The following PEAK1 variants were observed in gnomAD, a reference collection of about 807,000 sequenced individuals.
PEAK1 encodes pseudopodium enriched atypical kinase 1, also known as inactive tyrosine-protein kinase PEAK1.
Under a neutral mutation model 124.7 loss-of-function variants are expected in PEAK1, and 54 were observed. The observed-to-expected ratio is 0.43, with a 90% confidence interval of 0.35 to 0.54. PEAK1 has a LOEUF of 0.54. PEAK1 is among the 20% of genes least tolerant of loss of function. The pLI is 0.01. For missense variants in PEAK1, 2,046 were observed against 2,134.5 expected, an observed-to-expected ratio of 0.96 and a Z score of 0.82; for synonymous variants, 719 against 760.0, an observed-to-expected ratio of 0.95 and a Z score of 0.89.
At chr15:77,384,044 A>C (rs778907940) in intron 1 of PEAK1, among the ~76,000 whole-genome samples, 3 of 152,220 alleles carry the variant, frequency 2.0e-5, no homozygotes, top group Non-Finnish European at 4.4e-5. Flanking sequence ...TCAATAATAA[A>C]AATGTAAGTG....
intron 1 of PEAK1, chr15:77,401,615 T>C: frequency 3.0e-6 from 3 of 984,614 alleles, no homozygotes; most frequent in Non-Finnish European, 3.6e-6. Flanking sequence ...TACAAACATA[T>C]CTTTGTATTT....
In PEAK1 at chr15:77,226,044, G is replaced by GATATATATAATAA. The variant is rs57675196; in HGVS notation, c.-115+26322_-115+26323insTTATTATATATAT. Reference sequence around the variant, plus strand: ...CAGTCACAGCAACTGAAAATAAAGGGATATATATATATATATATATATATA... The same window carrying GATATATATAATAA: ...CAGTCACAGCAACTGAAAATAAAGGGATATATATAATAAATATATATATATATATATATATATA... On this transcript the variant is annotated intron_variant, in intron 6 of 9. Transcript: ENST00000682557. Among the ~76,000 whole-genome samples, 14 of 44,988 alleles carry GATATATATAATAA rather than the reference G, an allele frequency of 3.1e-4. 1 individual carries two copies. The highest frequency in any genetic ancestry group is 6.7e-4 in the Non-Finnish European group (14 of 20,762). 29.5% of individuals were successfully genotyped at this position (44,988 alleles called of 152,430 possible).
At chr15:77,207,184 C>T (rs1208941182) in intron 6 of PEAK1, among the ~76,000 whole-genome samples, 1 of 152,122 alleles carries the variant, frequency 6.6e-6, no homozygotes, top group East Asian at 1.9e-4. Context: ...CCAGGCATTA[C>T]CATTCAGGAC....
At chr15:77,392,500 G>T (rs1251267864) in intron 1 of PEAK1, among the ~76,000 whole-genome samples, 1 of 152,102 alleles carries the variant, frequency 6.6e-6, no homozygotes, top group East Asian at 1.9e-4. Flanking sequence ...TAACTGCCAG[G>T]TTATTTTCAA....
At chr15:77,116,967 T>C (rs1324223444) in intron 9 of PEAK1, among the ~76,000 whole-genome samples, 3 of 152,214 alleles carry the variant, frequency 2.0e-5, no homozygotes, top group Non-Finnish European at 4.4e-5. Flanking sequence ...TATATGCTCA[T>C]CAATCATAAC....
chr15:77,220,624 CA>C (rs1050273330), intron 6 of PEAK1, among the ~76,000 whole-genome samples: 1 of 145,020 alleles, frequency 6.9e-6, no homozygotes, highest in Non-Finnish European at 1.5e-5. Context: ...AAAAATGAAA[CA>C]AAGTAAAAGC....
chr15:77,368,352 CA>C (rs2068402477), intron 1 of PEAK1, among the ~76,000 whole-genome samples: 1 of 151,790 alleles, frequency 6.6e-6, no homozygotes, highest in Non-Finnish European at 1.5e-5. Flanking sequence ...CCCGTCTCTA[CA>C]AAAATACAAA....
chr15:77,319,586 A>G (rs1231812031), intron 2 of PEAK1, among the ~76,000 whole-genome samples: 2 of 152,200 alleles, frequency 1.3e-5, no homozygotes, highest in Non-Finnish European at 2.9e-5. Context: ...CAGACCTAGA[A>G]CACTGAGATA....
intron 9 of PEAK1, among the ~76,000 whole-genome samples, chr15:77,123,236 T>A (rs2052078021): frequency 6.6e-6 from 1 of 152,180 alleles, no homozygotes; most frequent in African/African-American, 2.4e-5. Flanking sequence ...TATGTGAAAT[T>A]TTTAGCATCC....
chr15:77,284,359 A>G (rs1401402767), intron 4 of PEAK1, among the ~76,000 whole-genome samples: 1 of 152,216 alleles, frequency 6.6e-6, no homozygotes, highest in Non-Finnish European at 1.5e-5. Context: ...TACTGATAGG[A>G]TAACTGTATT....
At chr15:77,337,776 C>T in intron 2 of PEAK1, 2 of 985,122 alleles carry the variant, frequency 2.0e-6, no homozygotes, top group African/African-American at 3.5e-5. Context: ...ATCTGGAACA[C>T]ATTTTATACT....
At chr15:77,378,007 C>T (rs28675775) in intron 1 of PEAK1, among the ~76,000 whole-genome samples, 214 of 152,174 alleles carry the variant, frequency 1.4e-3, no homozygotes, top group African/African-American at 4.9e-3. Context: ...AGTGCAACAA[C>T]GCCTATGAGA....
At chr15:77,220,342 T>C (rs1196279369) in intron 6 of PEAK1, among the ~76,000 whole-genome samples, 3 of 152,000 alleles carry the variant, frequency 2.0e-5, no homozygotes, top group Admixed American at 1.3e-4. Flanking sequence ...AAAAATTAAA[T>C]GTCTTTTAAA....
At chr15:77,395,653 A>G (rs1383479946) in intron 1 of PEAK1, among the ~76,000 whole-genome samples, 1 of 152,190 alleles carries the variant, frequency 6.6e-6, no homozygotes, top group African/African-American at 2.4e-5. Context: ...AAGAGGCACA[A>G]CATATTTAAA....
At chr15:77,147,143 G>A (rs981821167) in intron 8 of PEAK1, among the ~76,000 whole-genome samples, 10 of 152,148 alleles carry the variant, frequency 6.6e-5, no homozygotes, top group African/African-American at 2.4e-4. Flanking sequence ...ACCTATGGAC[G>A]AAGCCTCATA....
intron 1 of PEAK1, among the ~76,000 whole-genome samples, chr15:77,387,088 T>C (rs933151304): frequency 1.1e-4 from 17 of 152,224 alleles, no homozygotes; most frequent in African/African-American, 3.4e-4. Flanking sequence ...GTTCTCAACA[T>C]AGAATAAGTC....
At chr15:77,389,201 T>C (rs986391331) in intron 1 of PEAK1, among the ~76,000 whole-genome samples, 9 of 152,196 alleles carry the variant, frequency 5.9e-5, no homozygotes, top group Admixed American at 3.3e-4. Context: ...GTGATTCTCC[T>C]GTCTTGGTCT....
chr15:77,226,068 T>TATATA (rs1567137728), intron 6 of PEAK1, among the ~76,000 whole-genome samples: 3 of 136,344 alleles, frequency 2.2e-5, no homozygotes, highest in African/African-American at 8.1e-5. Context: ...TATATATATA[T>TATATA]ATATATATAT....
At chr15:77,291,828 T>C (rs2152980305) in intron 2 of PEAK1, among the ~76,000 whole-genome samples, 1 of 152,018 alleles carries the variant, frequency 6.6e-6, no homozygotes, top group Middle Eastern at 3.4e-3. Context: ...ATACAAAAAA[T>C]TAGCCCGGCA....
Sources: gnomAD v4.1 joint callset for allele counts (sites outside exome capture counted in the v4.1 genomes callset) on GRCh38, gnomAD v4.1.1 for gene constraint, MANE v1.5 for transcripts, NCBI Gene and HGNC (gene_info 2026-07-23, HGNC 2026-07-21) for gene names.